Variants in ARHGEF9 observed in about 807,000 individuals in gnomAD.
The protein encoded by ARHGEF9 is rho guanine nucleotide exchange factor 9.
Under a neutral mutation model 41.3 loss-of-function variants are expected in ARHGEF9, and 2 were observed. That is an observed-to-expected ratio of 0.05 (90% CI 0.02 to 0.15). The LOEUF (loss-of-function observed/expected upper bound fraction) is 0.15. Ranked by LOEUF, ARHGEF9 falls within the 10% of genes least tolerant of loss-of-function variation. The probability of loss-of-function intolerance (pLI) is 1.00; values close to 1 mark genes in which losing one functional copy is unlikely to be tolerated. For missense variants in ARHGEF9, 225 were observed against 424.7 expected (o/e 0.53, Z 4.13); for synonymous variants, 160 against 154.4 (o/e 1.04, Z -0.27).
intron 7 of ARHGEF9, among the ~76,000 whole-genome samples, chrX:63,656,007 G>A (rs2048855588): frequency 8.9e-6 from 1 of 112,027 alleles, no homozygotes; most frequent in Admixed American, 9.5e-5. Flanking sequence ...CTGCTGATGG[G>A]AGGTAGGAAA....
chrX:63,639,986 A>C (rs1337094806), intron 9 of ARHGEF9: 1 of 111,773 alleles, frequency 8.9e-6, no homozygotes, highest in Non-Finnish European at 1.9e-5. Flanking sequence ...AAATGAAGAG[A>C]GGTTGGTTAA....
In ARHGEF9 at chrX:63,785,141, T is replaced by G. The variant is rs1476045637; in HGVS notation, c.5A>C (p.Gln2Pro). 15 of 1,163,355 alleles carry G rather than the reference T, an allele frequency of 1.3e-5. No homozygotes were observed. Among genetic ancestry groups the G allele is most frequent in the Non-Finnish European group, 1.7e-5 (15 of 871,527 alleles). M[Q>P]WIRGGSGMLI... ...CATTCCCGATCCGCCCCTTATCCAC[T>G]GCATGGTGCTTGCGAAGTCCGGCTT... The change falls in exon 1 of 10, where the codon CAG (glutamine) becomes CCG (proline). Residue 2 changes from glutamine (Q) to proline (P), a missense_variant. Transcript: ENST00000671741.
At chrX:63,754,572 C>T in intron 1 of ARHGEF9, 1 of 1,088,659 alleles carries the variant, frequency 9.2e-7, no homozygotes, top group African/African-American at 1.9e-5. Context: ...TTTGCACATC[C>T]AGGGTCATGG....
At chrX:63,774,159 G>A (rs1199635506) in intron 1 of ARHGEF9, among the ~76,000 whole-genome samples, 3 of 109,768 alleles carry the variant, frequency 2.7e-5, no homozygotes, top group African/African-American at 1.0e-4. Flanking sequence ...CTAATACAAG[G>A]TATTACCCTC....
chrX:63,716,292 GAA>G (rs782513994), intron 2 of ARHGEF9, among the ~76,000 whole-genome samples: 1 of 89,433 alleles, frequency 1.1e-5, no homozygotes. Flanking sequence ...CTGTCTCAAA[GAA>G]AAAAAAAAAA....
At chrX:63,763,905 G>C (rs1280906035) in intron 1 of ARHGEF9, among the ~76,000 whole-genome samples, 2 of 111,643 alleles carry the variant, frequency 1.8e-5, no homozygotes, top group Non-Finnish European at 3.8e-5. Context: ...TAACCTCTCT[G>C]AGCCTCAGTT....
intron 3 of ARHGEF9, among the ~76,000 whole-genome samples, chrX:63,700,580 T>C (rs782145622): frequency 6.6e-4 from 74 of 111,408 alleles, no homozygotes; most frequent in Non-Finnish European, 1.2e-3. Context: ...GGAGAGGCAA[T>C]TGGAAGGTAG....
At chrX:63,717,475 C>T (rs1381818954) in intron 2 of ARHGEF9, among the ~76,000 whole-genome samples, 1 of 111,916 alleles carries the variant, frequency 8.9e-6, no homozygotes, top group African/African-American at 3.2e-5. Context: ...TAGCCACTCA[C>T]ACATAGCAGC....
chrX:63,676,063 G>C (rs1329866419), intron 5 of ARHGEF9, among the ~76,000 whole-genome samples: 1 of 112,096 alleles, frequency 8.9e-6, no homozygotes, highest in Non-Finnish European at 1.9e-5. Context: ...ACATTGAATA[G>C]TGGGTTGATG....
intron 8 of ARHGEF9, 144 bp downstream of exon 8, chrX:63,655,350 G>A: frequency 2.2e-6 from 2 of 891,076 alleles, no homozygotes; most frequent in South Asian, 2.3e-5. Flanking sequence ...TTACCAAAAA[G>A]AACCTAATAA....
intron 1 of ARHGEF9, among the ~76,000 whole-genome samples, chrX:63,740,444 A>G (rs1237408422): frequency 1.8e-5 from 2 of 112,165 alleles, no homozygotes; most frequent in African/African-American, 6.5e-5. Flanking sequence ...AGAAAAGTGT[A>G]TCTTCAAAAC....
intron 8 of ARHGEF9, among the ~76,000 whole-genome samples, chrX:63,644,648 T>C (rs781820884): frequency 9.1e-6 from 1 of 110,100 alleles, no homozygotes; most frequent in African/African-American, 3.3e-5. Context: ...AAAAAAAAAA[T>C]CTGACAAGCT....
intron 2 of ARHGEF9, among the ~76,000 whole-genome samples, chrX:63,713,430 T>A (rs192388473): frequency 9.1e-6 from 1 of 109,868 alleles, no homozygotes; most frequent in East Asian, 2.9e-4. Flanking sequence ...AAGGCAGCCC[T>A]TTCCTTTTTC....
intron 4 of ARHGEF9, among the ~76,000 whole-genome samples, chrX:63,683,771 G>T (rs782102556): frequency 9.0e-6 from 1 of 111,552 alleles, no homozygotes; most frequent in South Asian, 3.7e-4. Flanking sequence ...AATAAATGTT[G>T]TTGGAAAAAC....
chrX:63,716,300 A>C (rs184356665), intron 2 of ARHGEF9, among the ~76,000 whole-genome samples: 85 of 111,115 alleles, frequency 7.6e-4, no homozygotes, highest in Non-Finnish European at 1.4e-3. Context: ...AAGAAAAAAA[A>C]AAAAAGAAGA....
chrX:63,635,214 T>A lies in ARHGEF9; in HGVS notation c.*2814A>T. On this transcript the variant is annotated 3_prime_UTR_variant, in exon 10 of 10. Transcript: ENST00000671741. ...AAGCACTAAAAGATCACTATTTGGC[T>A]TCACACTAGAATTGTTAGAACTCTC... is the stretch of plus-strand genomic sequence containing the variant. The A allele has an allele frequency of 8.9e-6, 3 of 336,773 alleles. No individual in the cohort carries two copies. The highest frequency in any genetic ancestry group is 1.1e-5 in the Non-Finnish European group (2 of 182,507). The allele number at this position is 336,773 out of a possible 1,213,427, so 27.8% of individuals were successfully genotyped here. A position where few individuals can be genotyped will look rare whatever the true frequency, so the allele number is the denominator to read the frequency against.
intron 1 of ARHGEF9, among the ~76,000 whole-genome samples, chrX:63,764,527 C>A (rs1221426967): frequency 8.9e-6 from 1 of 112,157 alleles, no homozygotes; most frequent in Non-Finnish European, 1.9e-5. Context: ...CGTGTATGTT[C>A]ACTGCAGCAC....
Position 63,645,471 on chromosome X carries a change from G to C in ARHGEF9, c.1322-1423C>G, listed in dbSNP as rs1332274263. On this transcript the variant is annotated intron_variant, in intron 8 of 9. Transcript: ENST00000671741. ...TCAATTCCTACCTATGAGCGAGAACGTGCGGCGTTTGGTTTTTTGTCCTTG... is the reference window on the plus strand; with the variant it reads ...TCAATTCCTACCTATGAGCGAGAACCTGCGGCGTTTGGTTTTTTGTCCTTG... Among the ~76,000 whole-genome samples the C allele has an allele frequency of 4.5e-5, 5 of 111,187 alleles. No homozygotes were observed. The East Asian group carries it at 8.5e-4, about 19-fold the overall frequency.
chrX:63,735,612 C>G (rs2054569727), intron 1 of ARHGEF9, among the ~76,000 whole-genome samples: 1 of 111,782 alleles, frequency 8.9e-6, no homozygotes, highest in African/African-American at 3.3e-5. Flanking sequence ...ATCTGGTTTA[C>G]AGTGACAAGA....
Sources: allele counts gnomAD v4.1 joint callset (sites outside exome capture counted in the v4.1 genomes callset), GRCh38; gene constraint gnomAD v4.1.1; transcripts MANE v1.5; gene names NCBI Gene and HGNC (gene_info 2026-07-23, HGNC 2026-07-21).